NFATC2: variants seen among roughly 807,000 people sequenced by gnomAD.
The protein encoded by NFATC2 is nuclear factor of activated T-cells, cytoplasmic 2.
NFATC2 carries 22 observed loss-of-function variants against 87.3 expected under a neutral mutation model. That is an observed-to-expected ratio of 0.25 (90% CI 0.18 to 0.36). The LOEUF is 0.36. NFATC2 is among the 10% of genes least tolerant of loss of function. NFATC2 has a pLI of 1.00. For synonymous variants in NFATC2, 565 were observed against 542.2 expected (o/e 1.04, Z -0.58); for missense variants, 1,149 against 1,259.1 (o/e 0.91, Z 1.32).
chr20:51,497,577 C>T (rs1744456502), intron 3 of NFATC2, among the ~76,000 whole-genome samples: 1 of 152,192 alleles, frequency 6.6e-6, no homozygotes, highest in African/African-American at 2.4e-5. Context: ...ATGGCTTATT[C>T]CACGCCTCCC....
chr20:51,484,635 T>A (rs967770445), intron 3 of NFATC2, among the ~76,000 whole-genome samples: 4 of 152,234 alleles, frequency 2.6e-5, no homozygotes, highest in Non-Finnish European at 5.9e-5. Context: ...AGAGCTGTTA[T>A]ACGCCCACAC....
Position 51,497,010 on chromosome 20 carries a change from C to T in NFATC2, c.1332+19774G>A, listed in dbSNP as rs114671691. On this transcript the variant is annotated intron_variant, in intron 3 of 10. Transcript: ENST00000371564. ...CTAGAATCCACTCCATTCTCCGCAG[C>T]TTAATGGGGTTCTGCAGAGGGCTTC... Among the ~76,000 whole-genome samples, 1,199 of 152,352 alleles carry T rather than the reference C, an allele frequency of 7.9e-3. 18 individuals carry two copies. The highest frequency in any genetic ancestry group is 0.027 in the African/African-American group (1,133 of 41,574).
In NFATC2 at chr20:51,432,590, C is replaced by T. The variant is rs558006319; in HGVS notation, c.2199G>A (p.Thr733=). Residue 733 remains threonine, a synonymous_variant, in exon 9 of 11, where the codon ACG becomes ACA. Coordinates refer to ENST00000371564, the MANE Select transcript of NFATC2 (RefSeq NM_012340.5). This position sits in a 1 kb window ranked among gnomAD's most constrained non-coding sequence, Gnocchi z 4.6. Reference sequence around the variant, plus strand: ...AGCGGGCGTCAGGGGATGAGAGCCCCGTGCGGAACTGCTGGCAGGGAGCCA... The same window carrying T: ...AGCGGGCGTCAGGGGATGAGAGCCCTGTGCGGAACTGCTGGCAGGGAGCCA... The part of the protein sequence containing the change: ...ATMAPCQQFR[T]GLSSPDARYQ... The T allele has an allele frequency of 5.0e-5, 76 of 1,529,048 alleles. No individual in the cohort carries two copies. The South Asian group carries it at 7.4e-4, about 15-fold the overall frequency. 94.7% of individuals were successfully genotyped at this position (1,529,048 alleles called of 1,614,324 possible). A position where few individuals can be genotyped will look rare whatever the true frequency, so the allele number is the denominator to read the frequency against.
chr20:51,399,740 G>T (rs1047198918), intron 9 of NFATC2, among the ~76,000 whole-genome samples: 6 of 152,192 alleles, frequency 3.9e-5, no homozygotes, highest in Admixed American at 3.3e-4. Flanking sequence ...ACATTTCCAG[G>T]TGGATGTGGC....
intron 3 of NFATC2, among the ~76,000 whole-genome samples, chr20:51,512,111 C>G (rs996442635): frequency 6.6e-6 from 1 of 152,188 alleles, no homozygotes; most frequent in African/African-American, 2.4e-5. Flanking sequence ...AGGAGGAGGA[C>G]ATCATTTGTC....
At position 51,524,091 on chromosome 20, in the gene NFATC2, C is replaced by A; in HGVS notation, c.150G>T (p.Lys50Asn). 2.0e-6 allele frequency: 3 copies of A among 1,466,786 alleles called. No homozygotes were observed. Among genetic ancestry groups the A allele is most frequent in the Non-Finnish European group, 1.8e-6 (2 of 1,112,206 alleles). The allele number at this position is 1,466,786 out of a possible 1,614,324, so 90.9% of individuals were successfully genotyped here. ...NPNEEEPNAHKVASPPSGPAY... is the reference protein window; with the variant it reads ...NPNEEEPNAHNVASPPSGPAY... Reference sequence around the variant, plus strand: ...CGGGTCCGGAGGGTGGGCTGGCGACCTTATGTGCATTCGGCTCTTCTGGAA... The same window carrying A: ...CGGGTCCGGAGGGTGGGCTGGCGACATTATGTGCATTCGGCTCTTCTGGAA... Residue 50 changes from lysine to asparagine, a missense_variant, in exon 2 of 11, where the codon AAG (lysine) becomes AAT (asparagine). Lys to Asn is a moderately conservative substitution (Grantham distance 94). Coordinates refer to ENST00000371564, the MANE Select transcript of NFATC2 (RefSeq NM_012340.5). The surrounding 1 kb of genome is among the most constrained non-coding windows in gnomAD (Gnocchi z 4.0).
At chr20:51,535,067 C>G (rs1032603715) in intron 1 of NFATC2, among the ~76,000 whole-genome samples, 8 of 152,206 alleles carry the variant, frequency 5.3e-5, no homozygotes, top group African/African-American at 1.7e-4. Context: ...CTGCGTCTAA[C>G]AGAAGAGAGT....
chr20:51,406,233 T>G (rs1296594699), intron 9 of NFATC2, among the ~76,000 whole-genome samples: 1 of 152,208 alleles, frequency 6.6e-6, no homozygotes, highest in African/African-American at 2.4e-5. Context: ...TACTTGTAGA[T>G]AGAAATTCGT....
intron 9 of NFATC2, among the ~76,000 whole-genome samples, chr20:51,412,704 ACT>A (rs1568942240): frequency 1.3e-5 from 2 of 150,748 alleles, no homozygotes; most frequent in Admixed American, 6.6e-5. Flanking sequence ...GCCACCTCAT[ACT>A]CTCTGCCAGC....
At chr20:51,545,032 A>G (rs1200849418), upstream of NFATC2, among the ~76,000 whole-genome samples, 1 of 152,228 alleles carries the variant, frequency 6.6e-6, no homozygotes, top group African/African-American at 2.4e-5. Flanking sequence ...GGAGGAAGGA[A>G]GAGTGAAGAC....
Position 51,432,770 on chromosome 20 carries a change from A to G in NFATC2, c.2033-14T>C, listed in dbSNP as rs754906353. 9 of 1,551,312 alleles carry G rather than the reference A, an allele frequency of 5.8e-6. 1 individual carries two copies. The South Asian group carries it at 9.6e-5, about 17-fold the overall frequency. On this transcript the variant is annotated splice_polypyrimidine_tract_variant and intron_variant, in intron 8 of 10. Transcript: ENST00000371564. This position sits in a 1 kb window ranked among gnomAD's most constrained non-coding sequence, Gnocchi z 4.6. ...TGATGGCTGGGACTGGGAGGAGAAA[A>G]GAGCACATAGGGGCGCCCATGGCAG...
At chr20:51,553,647 G>A (rs2076952967) in intron 1 of NFATC2, among the ~76,000 whole-genome samples, 1 of 138,682 alleles carries the variant, frequency 7.2e-6, no homozygotes, top group Admixed American at 8.0e-5. Flanking sequence ...CTGCACTCCA[G>A]CCTGGGCGAC....
At chr20:51,553,373 C>T (rs1226347338) in intron 1 of NFATC2, among the ~76,000 whole-genome samples, 1 of 152,158 alleles carries the variant, frequency 6.6e-6, no homozygotes, top group Non-Finnish European at 1.5e-5. Context: ...TGGGTAAAAA[C>T]GTTTAGAAGG....
intron 3 of NFATC2, among the ~76,000 whole-genome samples, chr20:51,485,272 C>T (rs1989609318): frequency 6.6e-6 from 1 of 152,180 alleles, no homozygotes; most frequent in Non-Finnish European, 1.5e-5. Flanking sequence ...CCCATGGGGT[C>T]TTTAAATAAA....
chr20:51,415,112 G>A (rs1401168942), intron 9 of NFATC2, among the ~76,000 whole-genome samples: 1 of 151,946 alleles, frequency 6.6e-6, no homozygotes, highest in Admixed American at 6.6e-5. Flanking sequence ...CAGGTGTGGT[G>A]GCACATGCTG....
rs548169675 is a variant in NFATC2, at chr20:51,524,829, G to A, written c.131-719C>T. On this transcript the variant is annotated intron_variant, in intron 1 of 10. Coordinates refer to ENST00000371564, the MANE Select transcript of NFATC2 (RefSeq NM_012340.5). The surrounding 1 kb of genome is among the most constrained non-coding windows in gnomAD (Gnocchi z 4.0). ...GGGGAAAAGGCCCACCGAAAGATAC[G>A]GAATTAGCAGGCTTAAAAATACCAC... 6.6e-6 allele frequency among the ~76,000 whole-genome samples: 1 copy of A among 152,244 alleles called. No individual in the cohort carries two copies. Among genetic ancestry groups the A allele is most frequent in the East Asian group, 1.9e-4 (1 of 5,182 alleles).
chr20:51,561,398 AGAAAGAAAAG>A lies in NFATC2; in HGVS notation c.70+1152_70+1161del, dbSNP rs1202105528. Among the ~76,000 whole-genome samples, 193 of 146,276 alleles carry A rather than the reference AGAAAGAAAAG, an allele frequency of 1.3e-3. 1 individual carries two copies. The highest frequency in any genetic ancestry group is 4.9e-3 in the African/African-American group (182 of 36,780). ...AGAGAAAAGAAAGAAAGAAAGAGAG[AGAAAGAAAAG>A]AAAGAAAGAAAGAGAGAGAAAGAAA... On this transcript the variant is annotated intron_variant, in intron 1 of 10. Coordinates refer to the NFATC2 transcript ENST00000414705.
chr20:51,470,780 G>T (rs1988135418), intron 5 of NFATC2, among the ~76,000 whole-genome samples: 1 of 152,182 alleles, frequency 6.6e-6, no homozygotes, highest in Non-Finnish European at 1.5e-5. Flanking sequence ...TATACAGTAA[G>T]TAGTCAATAC....
intron 3 of NFATC2, among the ~76,000 whole-genome samples, chr20:51,489,187 C>CA (rs11447620): frequency 0.012 from 1,803 of 151,948 alleles, 28 homozygotes; most frequent in African/African-American, 0.041. Context: ...GAGACTGTCT[C>CA]AAAAAAAAGA....
Sources: allele counts gnomAD v4.1 joint callset (sites outside exome capture counted in the v4.1 genomes callset), GRCh38; gene constraint gnomAD v4.1.1; non-coding constraint Gnocchi (gnomAD v3.1); transcripts MANE v1.5; gene names NCBI Gene and HGNC (gene_info 2026-07-23, HGNC 2026-07-21).